The following RYR3 variants were observed in gnomAD, a reference collection of about 807,000 sequenced individuals.
RYR3 encodes the protein ryanodine receptor 3.
Under a neutral mutation model 584.3 loss-of-function variants are expected in RYR3, and 207 were observed. The observed-to-expected ratio is 0.35, with a 90% CI of 0.32 to 0.40. The LOEUF is 0.40. Ranked by LOEUF, RYR3 falls within the 10% of genes least tolerant of loss-of-function variation. The pLI is 1.00. For synonymous variants in RYR3, 2,416 were observed against 2,248.5 expected (o/e 1.07, Z -2.11); for missense variants, 5,616 against 6,089.2 (o/e 0.92, Z 2.59).
Position 33,488,668 on chromosome 15 carries a change from T to C in RYR3, c.172-14963T>C, listed in dbSNP as rs140015863. ...GAGATCGAGACCATCCTGGCCAACATGGTGAAACCCCGTCTCTACTAAAAA... is the reference window on the plus strand; with the variant it reads ...GAGATCGAGACCATCCTGGCCAACACGGTGAAACCCCGTCTCTACTAAAAA... On this transcript the variant is annotated intron_variant, in intron 2 of 103. Coordinates refer to ENST00000634891, the MANE Select transcript of RYR3 (RefSeq NM_001036.6). Among the ~76,000 whole-genome samples the C allele has an allele frequency of 6.5e-3, 984 of 152,164 alleles. 9 individuals are homozygous for C. The highest frequency in any genetic ancestry group is 0.024 in the Middle Eastern group (7 of 294).
At chr15:33,774,517 C>T (rs2152892504) in intron 64 of RYR3, among the ~76,000 whole-genome samples, 1 of 152,274 alleles carries the variant, frequency 6.6e-6, no homozygotes, top group South Asian at 2.1e-4. Flanking sequence ...TGCAGTTTCT[C>T]AATATAGCCA....
intron 19 of RYR3, among the ~76,000 whole-genome samples, chr15:33,613,899 C>G (rs550478311): frequency 1.3e-5 from 2 of 152,212 alleles, no homozygotes; most frequent in Admixed American, 6.5e-5. Flanking sequence ...GATTTTATAG[C>G]CATATAATAG....
chr15:33,507,698 C>T (rs2052599142), intron 3 of RYR3, among the ~76,000 whole-genome samples: 1 of 152,164 alleles, frequency 6.6e-6, no homozygotes. Flanking sequence ...TGAGAGCAAA[C>T]AGCATTTGTG....
intron 3 of RYR3, among the ~76,000 whole-genome samples, chr15:33,519,846 C>A (rs950190392): frequency 3.3e-5 from 5 of 152,086 alleles, no homozygotes; most frequent in Admixed American, 3.3e-4. Flanking sequence ...CCTGGAGAAT[C>A]AGCCTCTCCA....
intron 2 of RYR3, among the ~76,000 whole-genome samples, chr15:33,486,643 A>C (rs964988302): frequency 6.6e-6 from 1 of 152,210 alleles, no homozygotes; most frequent in Non-Finnish European, 1.5e-5. Flanking sequence ...GTCAAAGTAC[A>C]CAAACATCAA....
chr15:33,860,487 G>C, intron 100 of RYR3, 108 bp from the exon 101 acceptor site: 2 of 624,840 alleles, frequency 3.2e-6, no homozygotes, highest in South Asian at 6.0e-5. Context: ...ATTTTGCTTT[G>C]ATAATTCACT....
intron 1 of RYR3, among the ~76,000 whole-genome samples, chr15:33,466,172 A>G (rs1186002184): frequency 6.6e-6 from 1 of 152,166 alleles, no homozygotes; most frequent in Non-Finnish European, 1.5e-5. Context: ...ATGTAACCAA[A>G]TGGAATCAAG....
chr15:33,731,720 T>C, intron 48 of RYR3, 26 bp downstream of exon 48: 1 of 1,452,688 alleles, frequency 6.9e-7, no homozygotes. Flanking sequence ...ATGTTGTTAC[T>C]TCTGTGTATG....
chr15:33,553,339 T>A (rs916726317), intron 10 of RYR3, among the ~76,000 whole-genome samples: 1 of 152,172 alleles, frequency 6.6e-6, no homozygotes, highest in Non-Finnish European at 1.5e-5. Context: ...TTGCATTAGC[T>A]TGTGACAGTT....
chr15:33,540,681 C>T (rs376417132), intron 6 of RYR3, 110 bp from the exon 7 acceptor site: 35 of 687,636 alleles, frequency 5.1e-5, no homozygotes, highest in South Asian at 4.1e-4. Flanking sequence ...ATAGAAAGAA[C>T]CAGATGACAG....
In RYR3 at chr15:33,838,477, G is replaced by C. The variant is rs1456696301; in HGVS notation, c.12497G>C (p.Arg4166Thr). ...AAGAGAGCAACCCTGAAGAACCTCA[G>C]GAAGCAGTACAGGAACGTGAAAAAG... ...FLKRATLKNL[R>T]KQYRNVKKMT... Residue 4166 changes from arginine to threonine, a missense_variant, in exon 89 of 104, where the codon AGG becomes ACG. Physicochemically the swap from Arg to Thr is moderately conservative, Grantham distance 71. This residue lies in a region of RYR3 where 918 missense variants were observed against 887.4 expected (regional missense o/e 1.03). Coordinates refer to ENST00000634891, the MANE Select transcript of RYR3 (RefSeq NM_001036.6). 6.2e-7 allele frequency: 1 copy of C among 1,613,916 alleles called. No homozygotes were observed. The highest frequency in any genetic ancestry group is 8.5e-7 in the Non-Finnish European group (1 of 1,179,904).
chr15:33,478,493 G>A (rs539194364), intron 2 of RYR3, among the ~76,000 whole-genome samples: 18 of 152,264 alleles, frequency 1.2e-4, no homozygotes, highest in African/African-American at 3.1e-4. Context: ...TCTAAAATAC[G>A]TATTGATAGT....
At chr15:33,587,378 C>T (rs966222481) in intron 16 of RYR3, among the ~76,000 whole-genome samples, 22 of 152,164 alleles carry the variant, frequency 1.4e-4, no homozygotes, top group African/African-American at 5.1e-4. Flanking sequence ...AAGCTGCTCT[C>T]GTCTCATTGC....
chr15:33,597,910 T>G (rs535620910), intron 16 of RYR3, among the ~76,000 whole-genome samples: 7 of 120,114 alleles, frequency 5.8e-5, no homozygotes, highest in Non-Finnish European at 8.8e-5. Context: ...CTCCCCCACT[T>G]TTTTTTTTTC....
intron 19 of RYR3, among the ~76,000 whole-genome samples, chr15:33,621,989 C>T (rs756195939): frequency 4.6e-5 from 7 of 152,166 alleles, no homozygotes; most frequent in Non-Finnish European, 8.8e-5. Context: ...CACACATACA[C>T]TCAGTCCATG....
At position 33,864,849 on chromosome 15, in the gene RYR3, A is replaced by ATCTT. The variant is rs1055405966; in HGVS notation, c.14518-280_14518-277dup. The ATCTT allele has an allele frequency of 3.9e-5, 14 of 357,472 alleles. 1 individual carries two copies. The Admixed American group carries it at 6.0e-4, about 15-fold the overall frequency. The allele number at this position is 357,472 out of a possible 1,614,324, so 22.1% of individuals were successfully genotyped here. A position where few individuals can be genotyped will look rare whatever the true frequency, so the allele number is the denominator to read the frequency against. On this transcript the variant is annotated intron_variant, in intron 103 of 103. Coordinates refer to ENST00000634891, the MANE Select transcript of RYR3 (RefSeq NM_001036.6). ...CGGCATGGAATCAGCTTATTGCTAA[A>ATCTT]TCTTTAAGTATGTTTAGTGGCAAAC...
At chr15:33,348,624 C>T (rs1480546495) in intron 1 of RYR3, among the ~76,000 whole-genome samples, 2 of 151,996 alleles carry the variant, frequency 1.3e-5, no homozygotes, top group South Asian at 2.1e-4. Flanking sequence ...TACAGGCGTG[C>T]GCCACCATGC....
intron 51 of RYR3, 99 bp from the exon 52 acceptor site, chr15:33,742,267 C>T (rs2070221228): frequency 3.9e-6 from 3 of 774,942 alleles, no homozygotes; most frequent in South Asian, 1.5e-5. Flanking sequence ...TGATCAAATC[C>T]ACCTTCTGAC....
At chr15:33,498,638 T>C (rs763702873) in intron 2 of RYR3, among the ~76,000 whole-genome samples, 1 of 152,142 alleles carries the variant, frequency 6.6e-6, no homozygotes, top group Non-Finnish European at 1.5e-5. Flanking sequence ...CTGCAGGCCG[T>C]CTCTTTACTC....
Sources: gnomAD v4.1 joint callset for allele counts (sites outside exome capture counted in the v4.1 genomes callset) on GRCh38, gnomAD v4.1.1 for gene constraint, gnomAD v4.1.1 regional missense constraint, MANE v1.5 for transcripts, NCBI Gene and HGNC (gene_info 2026-07-23, HGNC 2026-07-21) for gene names.